MUC4: variants seen among roughly 807,000 people sequenced by gnomAD.
MUC4 encodes the protein mucin-4.
In MUC4, 202 loss-of-function variants were observed where a neutral mutation model predicts 257.9. That is an observed-to-expected ratio of 0.78 (90% CI 0.70 to 0.88). MUC4 has a LOEUF of 0.88. MUC4 is among the 40% of genes least tolerant of loss of function. The probability of loss-of-function intolerance (pLI) is 0.00; values close to 1 mark genes in which losing one functional copy is unlikely to be tolerated. For synonymous variants in MUC4, 2,351 were observed against 2,757.1 expected (o/e 0.85, Z 4.62); for missense variants, 5,976 against 6,513.7 (o/e 0.92, Z 2.84).
intron 17 of MUC4, among the ~76,000 whole-genome samples, chr3:195,758,862 C>T (rs191635476): frequency 1.3e-5 from 2 of 151,988 alleles, no homozygotes; most frequent in East Asian, 3.9e-4. Flanking sequence ...TGAGCCACCG[C>T]GCCCAGCCTT....
intron 21 of MUC4, chr3:195,752,023 T>C (rs1716544926): frequency 3.1e-6 from 1 of 318,990 alleles, no homozygotes; most frequent in South Asian, 6.2e-5. Flanking sequence ...GACTGAGGTA[T>C]GGCATGGCAG....
Position 195,780,325 on chromosome 3 carries a change from G to C in MUC4, c.11255C>G (p.Ser3752Ter). The C allele has an allele frequency of 6.5e-7, 1 of 1,527,106 alleles. No homozygotes were observed. The highest frequency in any genetic ancestry group is 8.8e-7 in the Non-Finnish European group (1 of 1,131,298). 94.6% of individuals were successfully genotyped at this position (1,527,106 alleles called of 1,614,324 possible). Reference protein sequence around the residue: ...VTPLPVTSTSSASTGHATPLL... With the variant: ...VTPLPVTSTS ...AGGGGTGGCGTGACCTGTGGATGCT[G>C]AGGAAGTGCTGGTGACAGGAAGAGG... The change falls in exon 2 of 25, where the codon TCA (serine) becomes TGA (stop). Residue 3752 changes from serine to a stop codon, truncating the protein, a stop_gained. Coordinates refer to ENST00000463781, the MANE Select transcript of MUC4 (RefSeq NM_018406.7). LOFTEE classifies it high-confidence loss of function.
intron 1 of MUC4, among the ~76,000 whole-genome samples, chr3:195,804,731 C>G (rs529351377): frequency 6.6e-6 from 1 of 152,396 alleles, no homozygotes; most frequent in African/African-American, 2.4e-5. Flanking sequence ...CAGCCCCACA[C>G]AGGCAGCAGG....
Position 195,790,050 on chromosome 3 carries a change from T to C in MUC4, c.1530A>G (p.Thr510=). Residue 510 remains threonine, a synonymous_variant, in exon 2 of 25, where the codon ACA becomes ACG. Coordinates refer to ENST00000463781, the MANE Select transcript of MUC4 (RefSeq NM_018406.7). Reference sequence around the variant, plus strand: ...CTGTGACAAGCCTAGTGGCAGCACCTGTTGATGTTGAGGGCAGTTCTGTTT... The same window carrying C: ...CTGTGACAAGCCTAGTGGCAGCACCCGTTGATGTTGAGGGCAGTTCTGTTT... ...WSQTELPSTS[T]GAATRLVTGN... is the part of the protein sequence containing the mutation. The C allele has an allele frequency of 6.2e-7, 1 of 1,614,018 alleles. No homozygotes were observed. Among genetic ancestry groups the C allele is most frequent in the Non-Finnish European group, 8.5e-7 (1 of 1,179,892 alleles).
chr3:195,778,708 C>G (rs1725633701), intron 2 of MUC4, 82 bp downstream of exon 2: 5 of 1,436,398 alleles, frequency 3.5e-6, no homozygotes, highest in Non-Finnish European at 4.7e-6. Context: ...TGCGAATGCA[C>G]CAGTGTTCTC....
rs879519680 is a variant in MUC4, at chr3:195,782,592, G to A, written c.8988C>T (p.Thr2996=). Residue 2996 remains threonine, a synonymous_variant, in exon 2 of 25, where the codon ACC becomes ACT. Coordinates refer to ENST00000463781, the MANE Select transcript of MUC4 (RefSeq NM_018406.7). Reference sequence around the variant, plus strand: ...GACCTATGGATGCTGAGGAAGTGTCGGTGACAGGAAGAAGGGTGGCGTGAC... The same window carrying A: ...GACCTATGGATGCTGAGGAAGTGTCAGTGACAGGAAGAAGGGTGGCGTGAC... ...STGHATLLPV[T]DTSSASIGHA... 936 of 909,638 alleles carry A rather than the reference G, an allele frequency of 1.0e-3. 38 individuals carry two copies. The African/African-American group carries it at 0.015, about 15-fold the overall frequency. 56.3% of individuals were successfully genotyped at this position (909,638 alleles called of 1,614,324 possible).
intron 1 of MUC4, among the ~76,000 whole-genome samples, chr3:195,796,386 A>T (rs796374478): frequency 1.4e-4 from 22 of 152,318 alleles, no homozygotes; most frequent in African/African-American, 5.3e-4. Flanking sequence ...CCCGGCCACT[A>T]TAAACTATTT....
At position 195,781,000 on chromosome 3, in the gene MUC4, G is replaced by A; in HGVS notation, c.10580C>T (p.Ser3527Phe). The change falls in exon 2 of 25, where the codon TCC becomes TTC. Residue 3527 changes from serine (S) to phenylalanine (F), a missense_variant. Ser to Phe is a radical substitution (Grantham distance 155). Transcript: ENST00000463781. ...HATPLPVTDT[S>F]SVSTGHATPL... is the part of the protein sequence containing the mutation. Reference sequence around the variant, plus strand: ...CGTGGCGTGACCGGTGGATACTGAGGAAGTGTCGGTGACAGGAAGAGGGGT... The same window carrying A: ...CGTGGCGTGACCGGTGGATACTGAGAAAGTGTCGGTGACAGGAAGAGGGGT... 3 of 1,530,172 alleles carry A rather than the reference G, an allele frequency of 2.0e-6. No homozygotes were observed. Among genetic ancestry groups the A allele is most frequent in the Non-Finnish European group, 1.8e-6 (2 of 1,133,544 alleles). The allele number at this position is 1,530,172 out of a possible 1,614,324, so 94.8% of individuals were successfully genotyped here.
At chr3:195,767,586 CACCACCACCACCATCATCACCATT>C (rs1560262071) in intron 7 of MUC4, among the ~76,000 whole-genome samples, 9 of 118,100 alleles carry the variant, frequency 7.6e-5, no homozygotes, top group Admixed American at 1.6e-4. Flanking sequence ...CCACCACCAT[CACCACCACCACCATCATCACCATT>C]GCCACCACCA....
chr3:195,780,314 C>G lies in MUC4; in HGVS notation c.11266G>C (p.Gly3756Arg), dbSNP rs1466388036. 2 of 1,527,502 alleles carry G rather than the reference C, an allele frequency of 1.3e-6. 1 individual carries two copies. Among genetic ancestry groups the G allele is most frequent in the Non-Finnish European group, 1.8e-6 (2 of 1,130,406 alleles). 94.6% of individuals were successfully genotyped at this position (1,527,502 alleles called of 1,614,324 possible). Residue 3756 changes from glycine to arginine, a missense_variant, in exon 2 of 25, where the codon GGT becomes CGT. This residue lies in a region of MUC4 where 330 missense variants were observed against 262.0 expected (regional missense o/e 1.26). Transcript: ENST00000463781. ...GTGACAAGAAGAGGGGTGGCGTGAC[C>G]TGTGGATGCTGAGGAAGTGCTGGTG... ...PVTSTSSAST[G>R]HATPLLVTDA...
rs146723876 is a variant in MUC4, at chr3:195,771,503, G to C, written c.13242+149C>G. On this transcript the variant is annotated intron_variant, in intron 5 of 24. Transcript: ENST00000463781. ...CTCCTGAGTCAGCTTAATGTCCCTT[G>C]ACTGCTTCCTCCCACACCCATATTT... The C allele has an allele frequency of 2.0e-4, 185 of 927,202 alleles. No homozygotes were observed. In the African/African-American group the frequency reaches 3.1e-3, roughly 15 times the overall value. The allele number at this position is 927,202 out of a possible 1,614,324, so 57.4% of individuals were successfully genotyped here. A position where few individuals can be genotyped will look rare whatever the true frequency, so the allele number is the denominator to read the frequency against.
intron 23 of MUC4, among the ~76,000 whole-genome samples, chr3:195,749,536 T>A (rs1167385703): frequency 6.6e-6 from 1 of 152,122 alleles, no homozygotes; most frequent in Non-Finnish European, 1.5e-5. Context: ...GCTGTGAGAT[T>A]TAAATGAGAT....
In MUC4 at chr3:195,754,290, G is replaced by A. The variant is rs559056407; in HGVS notation, c.15251C>T (p.Pro5084Leu). Reference protein sequence around the residue: ...SEDACEEPCFPSVHCVPGKGC... With the variant: ...SEDACEEPCFLSVHCVPGKGC... ...CTTCCCAGGAACGCAGTGGACACTCGGGAAGCACGGCTCCTCACAGGCATC... is the reference window on the plus strand; with the variant it reads ...CTTCCCAGGAACGCAGTGGACACTCAGGAAGCACGGCTCCTCACAGGCATC... The change falls in exon 19 of 25, where the codon CCG becomes CTG. Residue 5084 changes from proline to leucine, a missense_variant. Pro to Leu is a moderately conservative substitution (Grantham distance 98). This residue lies in a region of MUC4 where 996 missense variants were observed against 1,137.3 expected (regional missense o/e 0.88). Coordinates refer to ENST00000463781, the MANE Select transcript of MUC4 (RefSeq NM_018406.7). 17 of 1,613,710 alleles carry A rather than the reference G, an allele frequency of 1.1e-5. No individual in the cohort carries two copies. Among genetic ancestry groups the A allele is most frequent in the Middle Eastern group, 1.7e-4 (1 of 5,958 alleles).
At chr3:195,806,516 C>T (rs768274611) in intron 1 of MUC4, among the ~76,000 whole-genome samples, 2 of 152,252 alleles carry the variant, frequency 1.3e-5, no homozygotes, top group Admixed American at 6.5e-5. Flanking sequence ...GACTGGGCCA[C>T]GTCTGTTTCA....
chr3:195,752,373 C>T lies in MUC4; in HGVS notation c.15582G>A (p.Ser5194=), dbSNP rs372933950. 3.1e-6 allele frequency: 5 copies of T among 1,612,838 alleles called. No homozygotes were observed. The highest frequency in any genetic ancestry group is 2.5e-6 in the Non-Finnish European group (3 of 1,178,782). The stretch of plus-strand genomic sequence containing the variant: ...CCAGAGCGCGGCCTGCAGCACTGAC[C>T]GAGGCGTTGACTTCTGCCATGGAGG... The part of the protein sequence containing the change: ...ENASMAEVNA[S]VAYRLGTLDM... The change falls in exon 21 of 25, where the codon TCG becomes TCA. Residue 5194 remains serine (S), a splice_region_variant and synonymous_variant. Transcript: ENST00000463781.
At position 195,788,880 on chromosome 3, in the gene MUC4, C is replaced by G. The variant is rs1162437543; in HGVS notation, c.2700G>C (p.Glu900Asp). Residue 900 changes from glutamate to aspartate, a missense_variant, in exon 2 of 25, where the codon GAG becomes GAC. Around this residue, in one of 44 missense-constraint regions of MUC4, gnomAD observed 1,583 missense variants for 1,257.4 expected, o/e 1.26. Coordinates refer to ENST00000463781, the MANE Select transcript of MUC4 (RefSeq NM_018406.7). ...GGGCCATCCGGGAAATGGCGGCTGTCTCCTGAGGAGAGGCACTGGGAGAAG... is the reference window on the plus strand; with the variant it reads ...GGGCCATCCGGGAAATGGCGGCTGTGTCCTGAGGAGAGGCACTGGGAGAAG... ...SPTSPSASPQ[E>D]TAAISRMAQT... The G allele has an allele frequency of 3.7e-6, 6 of 1,613,742 alleles. No homozygotes were observed. The Admixed American group carries it at 6.7e-5, about 18-fold the overall frequency.
At chr3:195,775,905 CCA>C (rs1724521323) in intron 3 of MUC4, among the ~76,000 whole-genome samples, 1 of 103,290 alleles carries the variant, frequency 9.7e-6, no homozygotes, top group Non-Finnish European at 1.9e-5. Context: ...CCTTCCACAC[CCA>C]TACCTTCCAC....
intron 4 of MUC4, among the ~76,000 whole-genome samples, chr3:195,773,691 G>C (rs937552992): frequency 3.7e-5 from 5 of 134,814 alleles, no homozygotes; most frequent in African/African-American, 1.3e-4. Flanking sequence ...CGCTCAGCAG[G>C]TGTGGACACC....
Position 195,781,170 on chromosome 3 carries a change from G to T in MUC4, c.10410C>A (p.Thr3470=). Residue 3470 remains threonine (T), a synonymous_variant, in exon 2 of 25, where the codon ACC becomes ACA. Coordinates refer to ENST00000463781, the MANE Select transcript of MUC4 (RefSeq NM_018406.7). ...TDTSSASTGD[T]TPLPVTSPSS... is the part of the protein sequence containing the mutation. Reference sequence around the variant, plus strand: ...AAGGGCTGGTGACAGGAAGAGGGGTGGTGTCACCTGTGGATGCTGAGGAAG... The same window carrying T: ...AAGGGCTGGTGACAGGAAGAGGGGTTGTGTCACCTGTGGATGCTGAGGAAG... 2 of 1,491,022 alleles carry T rather than the reference G, an allele frequency of 1.3e-6. No homozygotes were observed. Among genetic ancestry groups the T allele is most frequent in the Non-Finnish European group, 9.0e-7 (1 of 1,116,440 alleles). 92.4% of individuals were successfully genotyped at this position (1,491,022 alleles called of 1,614,324 possible). A position where few individuals can be genotyped will look rare whatever the true frequency, so the allele number is the denominator to read the frequency against.
Sources: allele counts gnomAD v4.1 joint callset (sites outside exome capture counted in the v4.1 genomes callset), GRCh38; gene constraint gnomAD v4.1.1; regional missense constraint gnomAD v4.1.1; transcripts MANE v1.5; gene names NCBI Gene and HGNC (gene_info 2026-07-23, HGNC 2026-07-21).